The following TBC1D31 variants were observed in gnomAD, a reference collection of about 807,000 sequenced individuals.
TBC1D31 encodes the protein WD repeat domain 67.
In TBC1D31, 99 loss-of-function variants were observed where a neutral mutation model predicts 132.9. The ratio of observed to expected loss-of-function variants is 0.74; its 90% confidence interval spans 0.63 to 0.88. The LOEUF (loss-of-function observed/expected upper bound fraction) is 0.88, where lower values mean the gene tolerates loss of function less well. Ranked by LOEUF, TBC1D31 falls within the 40% of genes least tolerant of loss-of-function variation. The probability of loss-of-function intolerance (pLI) is 0.00; values close to 1 mark genes in which losing one functional copy is unlikely to be tolerated. For synonymous variants in TBC1D31, 385 were observed against 419.4 expected, an observed-to-expected ratio of 0.92 and a Z score of 1.00; for missense variants, 1,134 against 1,256.6, an observed-to-expected ratio of 0.90 and a Z score of 1.48.
At chr8:123,100,745 A>T in intron 6 of TBC1D31, 62 bp from the exon 7 acceptor site, 1 of 1,293,880 alleles carries the variant, frequency 7.7e-7, no homozygotes, top group Non-Finnish European at 1.1e-6. Context: ...ACGTGTATAT[A>T]GTAGGACTTT....
At chr8:123,096,411 G>A (rs924360821) in intron 5 of TBC1D31, among the ~76,000 whole-genome samples, 19 of 152,162 alleles carry the variant, frequency 1.2e-4, no homozygotes, top group Middle Eastern at 3.2e-3. Flanking sequence ...GTACCAGCCA[G>A]TCTGGAATAC....
chr8:123,091,944 C>G (rs926424206), intron 4 of TBC1D31, among the ~76,000 whole-genome samples: 2 of 152,100 alleles, frequency 1.3e-5, no homozygotes, highest in African/African-American at 2.4e-5. Context: ...GCATTTGCAC[C>G]TTTTTACTCA....
downstream of TBC1D31, among the ~76,000 whole-genome samples, chr8:123,156,751 G>A (rs1220057527): frequency 6.6e-6 from 1 of 152,200 alleles, no homozygotes; most frequent in Non-Finnish European, 1.5e-5. Flanking sequence ...TTTCCGGATA[G>A]GTTCAGTGCC....
At chr8:123,138,016 G>A (rs1438373365) in intron 17 of TBC1D31, among the ~76,000 whole-genome samples, 2 of 152,160 alleles carry the variant, frequency 1.3e-5, no homozygotes, top group Non-Finnish European at 2.9e-5. Flanking sequence ...GACAACTCCA[G>A]TATGCACACG....
At chr8:123,123,807 A>G (rs1384760487) in intron 11 of TBC1D31, 1 of 152,284 alleles carries the variant, frequency 6.6e-6, no homozygotes, top group Non-Finnish European at 1.5e-5. Flanking sequence ...TTTAAACTGT[A>G]CAGTGTCTTT....
In TBC1D31 at chr8:123,124,067, GAA is replaced by G. The variant is rs778155550; in HGVS notation, c.1571-1974_1571-1973del. Reference sequence around the variant, plus strand: ...GTTAACTGAATACCACTCCATAATTGAAAAAAAAAAAAAAAAGTTGCAACTGT... The same window carrying G: ...GTTAACTGAATACCACTCCATAATTGAAAAAAAAAAAAAAGTTGCAACTGT... On this transcript the variant is annotated intron_variant, in intron 11 of 21. Transcript: ENST00000287380. Among the ~76,000 whole-genome samples the G allele has an allele frequency of 6.7e-3, 812 of 121,442 alleles. 8 individuals carry two copies. The highest frequency in any genetic ancestry group is 0.022 in the African/African-American group (768 of 34,258). 79.7% of individuals were successfully genotyped at this position (121,442 alleles called of 152,430 possible). A position where few individuals can be genotyped will look rare whatever the true frequency, so the allele number is the denominator to read the frequency against.
intron 4 of TBC1D31, among the ~76,000 whole-genome samples, chr8:123,084,573 A>T (rs976248522): frequency 6.6e-5 from 10 of 152,176 alleles, no homozygotes; most frequent in African/African-American, 2.4e-4. Context: ...CTAAGGCGAA[A>T]GTTATTTAGT....
chr8:123,078,346 A>G (rs2034745136), intron 2 of TBC1D31, among the ~76,000 whole-genome samples: 2 of 152,178 alleles, frequency 1.3e-5, no homozygotes, highest in South Asian at 2.1e-4. Context: ...GAGGGCAGAA[A>G]ACTAGAATAA....
chr8:123,140,995 T>C, intron 18 of TBC1D31, 94 bp downstream of exon 18: 1 of 1,173,046 alleles, frequency 8.5e-7, no homozygotes, highest in Admixed American at 2.3e-5. Flanking sequence ...CTCTGTGAAG[T>C]TGAGTTAGTT....
intron 1 of TBC1D31, among the ~76,000 whole-genome samples, chr8:123,076,623 C>T (rs180887105): frequency 1.1e-4 from 17 of 152,234 alleles, no homozygotes; most frequent in Admixed American, 3.9e-4. Flanking sequence ...CCTTACAGAA[C>T]TCGCCTGCCA....
chr8:123,112,991 T>A (rs753039822), intron 10 of TBC1D31, among the ~76,000 whole-genome samples: 2 of 152,190 alleles, frequency 1.3e-5, no homozygotes, highest in Non-Finnish European at 2.9e-5. Flanking sequence ...GCCGTAAATA[T>A]CTTGGGTAGA....
chr8:123,082,628 C>T, intron 2 of TBC1D31, 74 bp from the exon 3 acceptor site: 1 of 1,092,318 alleles, frequency 9.2e-7, no homozygotes, highest in Non-Finnish European at 1.3e-6. Flanking sequence ...TTCTTCGTCT[C>T]TACGGACTCC....
chr8:123,156,298 G>T (rs886879817), downstream of TBC1D31, among the ~76,000 whole-genome samples: 7 of 152,044 alleles, frequency 4.6e-5, no homozygotes, highest in Admixed American at 1.3e-4. Context: ...AAAATTAGCC[G>T]AGTGTAGTGG....
chr8:123,072,713 G>T lies in TBC1D31; in HGVS notation c.-57G>T. 1 of 1,530,814 alleles carries T rather than the reference G, an allele frequency of 6.5e-7. No homozygotes were observed. The highest frequency in any genetic ancestry group is 8.8e-7 in the Non-Finnish European group (1 of 1,131,978). 94.8% of individuals were successfully genotyped at this position (1,530,814 alleles called of 1,614,324 possible). ...CGGGCCGGGAGCGCTGGGCCTGCCGGGAAGGCGCTGGGACGGTTACCCAGC... is the reference window on the plus strand; with the variant it reads ...CGGGCCGGGAGCGCTGGGCCTGCCGTGAAGGCGCTGGGACGGTTACCCAGC... On this transcript the variant is annotated 5_prime_UTR_variant, in exon 1 of 22. Coordinates refer to ENST00000287380, the MANE Select transcript of TBC1D31 (RefSeq NM_145647.4).
rs78504377 is a variant in TBC1D31 at position 123,101,224 on chromosome 8, G to A, written c.1032+217G>A. 3,003 of 445,972 alleles carry A rather than the reference G, an allele frequency of 6.7e-3. 77 individuals carry two copies. The highest frequency in any genetic ancestry group is 0.053 in the African/African-American group (2,697 of 50,644). The allele number at this position is 445,972 out of a possible 1,614,324, so 27.6% of individuals were successfully genotyped here. On this transcript the variant is annotated intron_variant, in intron 7 of 21. Transcript: ENST00000287380. ...TGCTGCCTTCCTGAGGGACATCTCC[G>A]TTTGATGTCTCTCATTTAGGTGTTA...
intron 7 of TBC1D31, among the ~76,000 whole-genome samples, chr8:123,104,815 A>G (rs768159766): frequency 5.3e-5 from 8 of 152,138 alleles, no homozygotes; most frequent in Non-Finnish European, 1.0e-4. Context: ...TAACCAAGGG[A>G]TAGAGGGGCA....
At chr8:123,088,655 C>G (rs1038496697) in intron 4 of TBC1D31, among the ~76,000 whole-genome samples, 2 of 152,200 alleles carry the variant, frequency 1.3e-5, no homozygotes, top group Non-Finnish European at 2.9e-5. Context: ...ATTTTTATTA[C>G]AGATTCTGAT....
At chr8:123,117,747 C>T (rs1184799841) in intron 10 of TBC1D31, among the ~76,000 whole-genome samples, 2 of 92,640 alleles carry the variant, frequency 2.2e-5, no homozygotes, top group Non-Finnish European at 4.0e-5. Context: ...AGCGAAACTC[C>T]GTCTCAAAAA....
chr8:123,114,691 T>C (rs1818758272), intron 10 of TBC1D31, among the ~76,000 whole-genome samples: 1 of 152,218 alleles, frequency 6.6e-6, no homozygotes, highest in Admixed American at 6.5e-5. Context: ...ATTCCTTCTT[T>C]GTAAAATAAT....
Sources: gnomAD v4.1 joint callset for allele counts (sites outside exome capture counted in the v4.1 genomes callset) on GRCh38, gnomAD v4.1.1 for gene constraint, MANE v1.5 for transcripts, NCBI Gene and HGNC (gene_info 2026-07-23, HGNC 2026-07-21) for gene names.